CPD: variants seen among roughly 807,000 people sequenced by gnomAD.
CPD encodes carboxypeptidase D, also known as metallocarboxypeptidase D.
Under a neutral mutation model 138.3 loss-of-function variants are expected in CPD, and 69 were observed. That is an observed-to-expected ratio of 0.50 (90% CI 0.41 to 0.61). CPD has a LOEUF of 0.61. CPD is among the 20% of genes least tolerant of loss of function. CPD has a pLI of 0.00. For synonymous variants in CPD, 651 were observed against 642.1 expected (o/e 1.01, Z -0.21); for missense variants, 1,432 against 1,733.3 (o/e 0.83, Z 3.09).
chr17:30,437,472 C>T (rs1412303932), intron 8 of CPD, among the ~76,000 whole-genome samples: 1 of 151,998 alleles, frequency 6.6e-6, no homozygotes, highest in African/African-American at 2.4e-5. Context: ...ATTCGTTGAG[C>T]CCAGGAGTTC....
At chr17:30,427,343 A>T in intron 6 of CPD, 48 bp from the exon 7 acceptor site, 1 of 1,569,400 alleles carries the variant, frequency 6.4e-7, no homozygotes. Flanking sequence ...TTGGAATAAA[A>T]TATAAGTGAA....
Position 30,378,930 on chromosome 17 carries a change from C to G in CPD, c.-51C>G, listed in dbSNP as rs1910957497. On this transcript the variant is annotated 5_prime_UTR_variant, in exon 1 of 21. Coordinates refer to ENST00000225719, the MANE Select transcript of CPD (RefSeq NM_001304.5). ...GGGGATCCGGCGGGCCCCCGCCGCCCGGAGCGCTGAGCCGCGGGAGCGGAG... is the reference window on the plus strand; with the variant it reads ...GGGGATCCGGCGGGCCCCCGCCGCCGGGAGCGCTGAGCCGCGGGAGCGGAG... 4.3e-6 allele frequency: 6 copies of G among 1,405,256 alleles called. No homozygotes were observed. Among genetic ancestry groups the G allele is most frequent in the Non-Finnish European group, 5.5e-6 (6 of 1,092,632 alleles). 87.0% of individuals were successfully genotyped at this position (1,405,256 alleles called of 1,614,324 possible). A position where few individuals can be genotyped will look rare whatever the true frequency, so the allele number is the denominator to read the frequency against.
chr17:30,384,419 T>C (rs997545396), intron 1 of CPD, among the ~76,000 whole-genome samples: 1 of 152,214 alleles, frequency 6.6e-6, no homozygotes, highest in African/African-American at 2.4e-5. Context: ...TATTTATATA[T>C]ACCAGCCATA....
chr17:30,426,662 A>G (rs1271106391), intron 6 of CPD, among the ~76,000 whole-genome samples: 2 of 152,264 alleles, frequency 1.3e-5, no homozygotes, highest in African/African-American at 4.8e-5. Context: ...AACAACTTCC[A>G]AAACAATGAC....
chr17:30,465,702 T>G lies in CPD; in HGVS notation c.*888T>G, dbSNP rs1913617810. On this transcript the variant is annotated 3_prime_UTR_variant, in exon 21 of 21. Transcript: ENST00000225719. Reference sequence around the variant, plus strand: ...CCTAAATCGGAACCTTTTTCTATGTTGCACACATGGTTTTCAGATGACCCA... The same window carrying G: ...CCTAAATCGGAACCTTTTTCTATGTGGCACACATGGTTTTCAGATGACCCA... 1 of 152,634 alleles carries G rather than the reference T, an allele frequency of 6.6e-6. No homozygotes were observed. Among genetic ancestry groups the G allele is most frequent in the Admixed American group, 6.5e-5 (1 of 15,284 alleles). 9.5% of individuals were successfully genotyped at this position (152,634 alleles called of 1,614,324 possible).
intron 6 of CPD, among the ~76,000 whole-genome samples, chr17:30,425,413 G>A (rs1254769258): frequency 6.6e-6 from 1 of 152,110 alleles, no homozygotes; most frequent in East Asian, 1.9e-4. Context: ...CCAGCACTTT[G>A]GGAGGTCGAG....
chr17:30,445,991 G>T lies in CPD; in HGVS notation c.2844G>T (p.Met948Ile). The T allele has an allele frequency of 6.2e-7, 1 of 1,600,204 alleles. No homozygotes were observed. Among genetic ancestry groups the T allele is most frequent in the South Asian group, 1.1e-5 (1 of 90,748 alleles). Residue 948 changes from methionine (M) to isoleucine (I), a missense_variant, in exon 12 of 21, where the codon ATG becomes ATT. Around this residue, in one of 6 missense-constraint regions of CPD, gnomAD observed 124 missense variants for 117.0 expected, o/e 1.06. Coordinates refer to ENST00000225719, the MANE Select transcript of CPD (RefSeq NM_001304.5). Reference sequence around the variant, plus strand: ...CAGAGTTTCTGAGAGGACTTGTAATGAACTATCCACATATTACAAATCTTA... The same window carrying T: ...CAGAGTTTCTGAGAGGACTTGTAATTAACTATCCACATATTACAAATCTTA... ...DLSEFLRGLV[M>I]NYPHITNLTN... is the part of the protein sequence containing the mutation.
In CPD at chr17:30,464,835, C is replaced by T; in HGVS notation, c.*21C>T. ...ATTGAAAAACACATTTTGCATATCT[C>T]CCAGCATAAGTACCAAGCAAAATTA... On this transcript the variant is annotated 3_prime_UTR_variant, in exon 21 of 21. Coordinates refer to ENST00000225719, the MANE Select transcript of CPD (RefSeq NM_001304.5). 1 of 1,594,044 alleles carries T rather than the reference C, an allele frequency of 6.3e-7. No homozygotes were observed. Among genetic ancestry groups the T allele is most frequent in the Non-Finnish European group, 8.6e-7 (1 of 1,163,094 alleles).
rs569683777 is a variant in CPD at position 30,404,486 on chromosome 17, A to G, written c.995-16355A>G. On this transcript the variant is annotated intron_variant, in intron 2 of 20. Transcript: ENST00000225719. Reference sequence around the variant, plus strand: ...AAATGGCTGCATAGTAGCCCATTTTATATCATAATTTACTAAACTGGTCTT... The same window carrying G: ...AAATGGCTGCATAGTAGCCCATTTTGTATCATAATTTACTAAACTGGTCTT... 1.7e-3 allele frequency among the ~76,000 whole-genome samples: 262 copies of G among 152,236 alleles called. 1 individual carries two copies. The highest frequency in any genetic ancestry group is 6.0e-3 in the African/African-American group (248 of 41,560).
At chr17:30,464,316 A>T (rs1464600290) in intron 20 of CPD, among the ~76,000 whole-genome samples, 1 of 152,120 alleles carries the variant, frequency 6.6e-6, no homozygotes, top group African/African-American at 2.4e-5. Flanking sequence ...ACACACACAC[A>T]AAAGATCTTA....
chr17:30,379,066 C>T lies in CPD; in HGVS notation c.86C>T (p.Ala29Val). 6.4e-7 allele frequency: 1 copy of T among 1,560,984 alleles called. No homozygotes were observed. ...TGCCTGCTGCTGCTGGGGAGCTCGG[C>T]CCGGGCGGCTCACATCAAGAAGGCG... is the stretch of plus-strand genomic sequence containing the variant. Reference protein sequence around the residue: ...LMCLLLLGSSARAAHIKKAEA... With the variant: ...LMCLLLLGSSVRAAHIKKAEA... Residue 29 changes from alanine to valine, a missense_variant, in exon 1 of 21, where the codon GCC (alanine) becomes GTC (valine). By Grantham distance (64) the Ala-to-Val change is moderately conservative. This residue lies in a region of CPD where 484 missense variants were observed against 477.2 expected (regional missense o/e 1.01). Coordinates refer to ENST00000225719, the MANE Select transcript of CPD (RefSeq NM_001304.5). The surrounding 1 kb of genome is among the most constrained non-coding windows in gnomAD (Gnocchi z 7.0).
chr17:30,403,647 C>CT (rs1911733255), intron 2 of CPD, among the ~76,000 whole-genome samples: 1 of 152,188 alleles, frequency 6.6e-6, no homozygotes, highest in Non-Finnish European at 1.5e-5. Context: ...GCATGAGCAA[C>CT]TTGTTAGGTG....
Position 30,423,699 on chromosome 17 carries a change from T to TA in CPD, c.1849+5dup, listed in dbSNP as rs988238050. The stretch of plus-strand genomic sequence containing the variant: ...ATGGGTATGAAAAGTCCCAGGAAGG[T>TA]AAAGAATAGCATTTAATTCTTAATC... On this transcript the variant is annotated splice_region_variant and intron_variant, in intron 6 of 20. Transcript: ENST00000225719. 6 of 1,546,226 alleles carry TA rather than the reference T, an allele frequency of 3.9e-6. No individual in the cohort carries two copies. The highest frequency in any genetic ancestry group is 5.2e-6 in the Non-Finnish European group (6 of 1,143,860).
In CPD at chr17:30,385,050, T is replaced by C. The variant is rs1156656814; in HGVS notation, c.808T>C (p.Ser270Pro). ...SVVASYPFDD[S>P]PEHKATGIYS... ...GGTAGCAAGCTATCCTTTTGATGATTCTCCAGAACATAAGGCCACTGGAAT... is the reference window on the plus strand; with the variant it reads ...GGTAGCAAGCTATCCTTTTGATGATCCTCCAGAACATAAGGCCACTGGAAT... Residue 270 changes from serine (S) to proline (P), a missense_variant, in exon 2 of 21, where the codon TCT becomes CCT. Physicochemically the swap from Ser to Pro is moderately conservative, Grantham distance 74. Transcript: ENST00000225719. The C allele has an allele frequency of 1.2e-6, 2 of 1,613,966 alleles. No individual in the cohort carries two copies. The highest frequency in any genetic ancestry group is 1.7e-6 in the Non-Finnish European group (2 of 1,179,958).
At chr17:30,401,453 T>G (rs547323336) in intron 2 of CPD, among the ~76,000 whole-genome samples, 2 of 151,616 alleles carry the variant, frequency 1.3e-5, no homozygotes, top group East Asian at 3.9e-4. Context: ...CATCTTCTTC[T>G]TCTTCTTCCT....
intron 17 of CPD, 66 bp downstream of exon 17, chr17:30,456,592 A>G: frequency 1.3e-6 from 2 of 1,530,872 alleles, no homozygotes; most frequent in Non-Finnish European, 1.8e-6. Flanking sequence ...GTGTAAACCC[A>G]GTGCTTTGGG....
chr17:30,421,004 T>G (rs2143411274), intron 3 of CPD, 21 bp downstream of exon 3: 1 of 1,610,478 alleles, frequency 6.2e-7, no homozygotes, highest in Non-Finnish European at 8.5e-7. Context: ...ATGACTGGAA[T>G]GTTGGGGTAT....
intron 9 of CPD, 128 bp from the exon 10 acceptor site, chr17:30,442,180 G>T: frequency 1.3e-6 from 1 of 744,720 alleles, no homozygotes. Context: ...GCCCTCACAT[G>T]AACACGTTAG....
chr17:30,456,216 T>C, intron 15 of CPD, 40 bp from the exon 16 acceptor site: 1 of 1,512,960 alleles, frequency 6.6e-7, no homozygotes, highest in Non-Finnish European at 9.1e-7. Flanking sequence ...AAAAAATCAT[T>C]TGGATTTCTC....
Sources: gnomAD v4.1 joint callset for allele counts (sites outside exome capture counted in the v4.1 genomes callset) on GRCh38, gnomAD v4.1.1 for gene constraint, gnomAD v4.1.1 regional missense constraint, Gnocchi (gnomAD v3.1) non-coding constraint, MANE v1.5 for transcripts, NCBI Gene and HGNC (gene_info 2026-07-23, HGNC 2026-07-21) for gene names.